The following CDH2 variants were observed in gnomAD, a reference collection of about 807,000 sequenced individuals.
CDH2 encodes the protein cadherin-2.
A neutral mutation model predicts 92.0 loss-of-function variants in CDH2; 17 were observed. The observed-to-expected ratio is 0.18, with a 90% CI of 0.13 to 0.28. The LOEUF (loss-of-function observed/expected upper bound fraction) is 0.28, where lower values mean the gene tolerates loss of function less well. CDH2 is among the 10% of genes least tolerant of loss of function. The pLI, the probability that CDH2 is intolerant of heterozygous loss-of-function variation, is 1.00. For missense variants in CDH2, 862 were observed against 1,133.1 expected, an observed-to-expected ratio of 0.76 and a Z score of 3.44; for synonymous variants, 419 against 415.9, an observed-to-expected ratio of 1.01 and a Z score of -0.09.
chr18:28,165,880 A>C (rs957672115), intron 1 of CDH2, among the ~76,000 whole-genome samples: 5 of 151,924 alleles, frequency 3.3e-5, no homozygotes, highest in African/African-American at 9.7e-5. Flanking sequence ...GTTCAGAAAA[A>C]CAGAAACTTT....
Position 27,952,351 on chromosome 18 carries a change from T to C in CDH2, c.2523A>G (p.Lys841=). The part of the protein sequence containing the change: ...DIGDFINEGL[K]AADNDPTAPP... ...GAGCTGTGGGGTCATTGTCAGCCGC[T>C]TTAAGGCCCTGCAATTTGGAAACAC... Residue 841 remains lysine, a synonymous_variant, in exon 16 of 16, where the codon AAA becomes AAG. Coordinates refer to ENST00000269141, the MANE Select transcript of CDH2 (RefSeq NM_001792.5). 1 of 1,613,298 alleles carries C rather than the reference T, an allele frequency of 6.2e-7. No homozygotes were observed. Among genetic ancestry groups the C allele is most frequent in the South Asian group, 1.1e-5 (1 of 91,050 alleles).
At chr18:27,955,761 G>GTTTTTTTTTTTTTTTTTTTTTTTTT (rs5823568) in intron 15 of CDH2, among the ~76,000 whole-genome samples, 15 of 111,710 alleles carry the variant, frequency 1.3e-4, no homozygotes, top group Admixed American at 3.0e-4. Flanking sequence ...CTTTATTTCT[G>GTTTTTTTTTTTTTTTTTTTTTTTTT]TTTTTTTTTT....
chr18:28,078,178 G>C (rs1201088106), intron 2 of CDH2, among the ~76,000 whole-genome samples: 2 of 152,026 alleles, frequency 1.3e-5, no homozygotes, highest in African/African-American at 2.4e-5. Context: ...TAAAATTTTA[G>C]AGTATGCTTC....
chr18:28,123,516 G>C (rs900632073), intron 2 of CDH2, among the ~76,000 whole-genome samples: 2 of 152,134 alleles, frequency 1.3e-5, no homozygotes, highest in Non-Finnish European at 2.9e-5. Context: ...CATTACTAGA[G>C]AGAGGATAGG....
intron 2 of CDH2, among the ~76,000 whole-genome samples, chr18:28,021,274 C>T (rs2144057497): frequency 6.6e-6 from 1 of 151,988 alleles, no homozygotes; most frequent in Non-Finnish European, 1.5e-5. Context: ...TTGGCTTGAA[C>T]ATCTTTTCCT....
intron 6 of CDH2, among the ~76,000 whole-genome samples, chr18:27,936,438 C>A (rs753211799): frequency 3.3e-5 from 5 of 152,144 alleles, no homozygotes; most frequent in Non-Finnish European, 7.3e-5. Context: ...ATCTGACTAC[C>A]TACAGATTCC....
At chr18:27,990,709 A>T (rs558858816) in intron 9 of CDH2, among the ~76,000 whole-genome samples, 1 of 152,218 alleles carries the variant, frequency 6.6e-6, no homozygotes, top group Non-Finnish European at 1.5e-5. Flanking sequence ...ATGATGGTCT[A>T]AATGTATACT....
rs1396867207 is a variant in CDH2 at position 28,047,867 on chromosome 18, T to TCAAA, written c.173-33962_173-33959dup. On this transcript the variant is annotated intron_variant, in intron 2 of 15. Coordinates refer to ENST00000269141, the MANE Select transcript of CDH2 (RefSeq NM_001792.5). ...CTGAACAACAGAGGGAGACTCCATC[T>TCAAA]CAAAAAAAAAAAAAAAAAAAAAAAA... Among the ~76,000 whole-genome samples the TCAAA allele has an allele frequency of 1.8e-3, 87 of 49,402 alleles. 1 individual carries two copies. Among genetic ancestry groups the TCAAA allele is most frequent in the African/African-American group, 7.2e-3 (79 of 10,906 alleles). The allele number at this position is 49,402 out of a possible 152,430, so 32.4% of individuals were successfully genotyped here.
intron 2 of CDH2, among the ~76,000 whole-genome samples, chr18:28,019,164 G>A (rs2144051832): frequency 6.6e-6 from 1 of 151,926 alleles, no homozygotes; most frequent in South Asian, 2.1e-4. Context: ...GCAGGGTGAG[G>A]AATGAAAGAC....
At chr18:28,122,882 T>C (rs779833902) in intron 2 of CDH2, among the ~76,000 whole-genome samples, 4 of 152,156 alleles carry the variant, frequency 2.6e-5, no homozygotes, top group Non-Finnish European at 5.9e-5. Flanking sequence ...TTAACAGTCA[T>C]GTATTAAAAA....
chr18:28,076,638 C>T (rs543814154), intron 2 of CDH2, among the ~76,000 whole-genome samples: 57 of 151,124 alleles, frequency 3.8e-4, no homozygotes, highest in Non-Finnish European at 6.5e-4. Context: ...TGTGCTGCAC[C>T]CATTAACTCA....
intron 1 of CDH2, among the ~76,000 whole-genome samples, chr18:28,173,555 A>C (rs1029942660): frequency 6.6e-6 from 1 of 152,134 alleles, no homozygotes; most frequent in South Asian, 2.1e-4. Flanking sequence ...AATTTCTTTA[A>C]AATCTGTACC....
chr18:28,027,846 GTT>G (rs5823577), intron 2 of CDH2, among the ~76,000 whole-genome samples: 8 of 144,048 alleles, frequency 5.6e-5, no homozygotes, highest in Non-Finnish European at 9.2e-5. Context: ...GTTTTGTTTT[GTT>G]TTTTTTTTTT....
At chr18:28,078,498 T>C (rs896510771) in intron 2 of CDH2, among the ~76,000 whole-genome samples, 1 of 152,054 alleles carries the variant, frequency 6.6e-6, no homozygotes, top group African/African-American at 2.4e-5. Flanking sequence ...ACTGAGGCGA[T>C]GGAGGGCAAT....
At position 27,992,705 on chromosome 18, in the gene CDH2, C is replaced by T. The variant is rs1218458192; in HGVS notation, c.1294G>A (p.Ala432Thr). Residue 432 changes from alanine to threonine, a missense_variant, in exon 9 of 16, where the codon GCC becomes ACC. By Grantham distance (58) the Ala-to-Thr change is moderately conservative. Around this residue, in one of 5 missense-constraint regions of CDH2, gnomAD observed 564 missense variants for 722.2 expected, o/e 0.78. Coordinates refer to ENST00000269141, the MANE Select transcript of CDH2 (RefSeq NM_001792.5). ...ISGGDPTGRFAIQTDPNSNDG... is the reference protein window; with the variant it reads ...ISGGDPTGRFTIQTDPNSNDG... ...TTGCTGTTTGGGTCGGTCTGGATGG[C>T]GAACCGTCCAGTAGGATCTCCGCCA... 4 of 1,613,626 alleles carry T rather than the reference C, an allele frequency of 2.5e-6. No individual in the cohort carries two copies. The highest frequency in any genetic ancestry group is 1.1e-5 in the South Asian group (1 of 90,932).
intron 15 of CDH2, among the ~76,000 whole-genome samples, chr18:27,959,716 C>T (rs1007974641): frequency 6.6e-6 from 1 of 152,182 alleles, no homozygotes; most frequent in Non-Finnish European, 1.5e-5. Flanking sequence ...ACCATCATCT[C>T]CTTAAAACTA....
intron 2 of CDH2, among the ~76,000 whole-genome samples, chr18:28,017,906 C>T (rs897038910): frequency 6.6e-6 from 1 of 152,006 alleles, no homozygotes; most frequent in Admixed American, 6.6e-5. Context: ...TACTGGAAGT[C>T]CTAGCCGGAG....
chr18:28,056,941 TCCGATGTTAGCC>T (rs1337883835), intron 2 of CDH2, among the ~76,000 whole-genome samples: 1 of 152,176 alleles, frequency 6.6e-6, no homozygotes, highest in Non-Finnish European at 1.5e-5. Flanking sequence ...TTCTTAGAAA[TCCGATGTTAGCC>T]ATAATTTTGG....
Position 28,007,183 on chromosome 18 carries a change from T to A in CDH2, c.703-1190A>T, listed in dbSNP as rs1302414725. On this transcript the variant is annotated intron_variant, in intron 5 of 15. Transcript: ENST00000269141. ...AAAAAAAAATATATATATATATATA[T>A]ATATATATATACGAGTATATACGAT... is the stretch of plus-strand genomic sequence containing the variant. 4.2e-5 allele frequency among the ~76,000 whole-genome samples: 6 copies of A among 144,164 alleles called. 1 individual carries two copies. Among genetic ancestry groups the A allele is most frequent in the African/African-American group, 1.3e-4 (5 of 39,028 alleles). The allele number at this position is 144,164 out of a possible 152,430, so 94.6% of individuals were successfully genotyped here. A position where few individuals can be genotyped will look rare whatever the true frequency, so the allele number is the denominator to read the frequency against.
Sources: gnomAD v4.1 joint callset for allele counts (sites outside exome capture counted in the v4.1 genomes callset) on GRCh38, gnomAD v4.1.1 for gene constraint, gnomAD v4.1.1 regional missense constraint, MANE v1.5 for transcripts, NCBI Gene and HGNC (gene_info 2026-07-23, HGNC 2026-07-21) for gene names.